The following HIVEP3 variants were observed in gnomAD, a reference collection of about 807,000 sequenced individuals.
HIVEP3 encodes HIVEP zinc finger 3, also known as transcription factor HIVEP3.
In HIVEP3, 49 loss-of-function variants were observed where a neutral mutation model predicts 152.8. The ratio of observed to expected loss-of-function variants is 0.32; its 90% confidence interval spans 0.26 to 0.41. The LOEUF (loss-of-function observed/expected upper bound fraction) is 0.41, where lower values mean the gene tolerates loss of function less well. Among genes scored for constraint, HIVEP3 ranks in the 10% least tolerant of loss-of-function variants. The pLI, the probability that HIVEP3 is intolerant of heterozygous loss-of-function variation, is 1.00. For missense variants in HIVEP3, 2,790 were observed against 3,103.3 expected (o/e 0.90, Z 2.40); for synonymous variants, 1,269 against 1,289.0 (o/e 0.98, Z 0.33).
At chr1:41,882,947 C>T (rs989776582) in intron 1 of HIVEP3, among the ~76,000 whole-genome samples, 6 of 152,200 alleles carry the variant, frequency 3.9e-5, no homozygotes, top group Admixed American at 6.5e-5. Context: ...CAGGGCTGAA[C>T]TGGCTTTCTG....
At chr1:41,632,546 A>G (rs889244991) in intron 2 of HIVEP3, among the ~76,000 whole-genome samples, 4 of 152,168 alleles carry the variant, frequency 2.6e-5, no homozygotes, top group Non-Finnish European at 4.4e-5. Flanking sequence ...TCACGGGTTC[A>G]AGAGATCGAG....
In HIVEP3 at chr1:41,513,085, C is replaced by T. The variant is rs748922029; in HGVS notation, c.6136G>A (p.Ala2046Thr). ...TTGGAGAGCACATGTGCTCGAGGGG[C>T]CAGTTCTCTTCCCAGGGGGCAGAGG... ...LTLCPLGREL[A>T]PRAHVLSKLE... Residue 2046 changes from alanine (A) to threonine (T), a missense_variant, in exon 8 of 9, where the codon GCC (alanine) becomes ACC (threonine). Physicochemically the swap from Ala to Thr is moderately conservative, Grantham distance 58. Transcript: ENST00000372583. 2.5e-6 allele frequency: 4 copies of T among 1,613,778 alleles called. No individual in the cohort carries two copies. The African/African-American group carries it at 4.0e-5, about 16-fold the overall frequency.
chr1:41,997,489 A>G (rs543842575), intron 1 of HIVEP3, among the ~76,000 whole-genome samples: 1 of 152,394 alleles, frequency 6.6e-6, no homozygotes, highest in East Asian at 1.9e-4. Context: ...ATCACATACA[A>G]AATTAATAAA....
chr1:41,948,095 C>A (rs1403757270), intron 1 of HIVEP3, among the ~76,000 whole-genome samples: 1 of 152,208 alleles, frequency 6.6e-6, no homozygotes, highest in East Asian at 1.9e-4. Context: ...ATTGAGGGGA[C>A]TTTTTAGAGG....
chr1:41,600,879 C>T (rs1213225599), intron 3 of HIVEP3, among the ~76,000 whole-genome samples: 2 of 152,098 alleles, frequency 1.3e-5, no homozygotes, highest in East Asian at 3.8e-4. Context: ...ACATCCAAGT[C>T]TTTAATCCAT....
intron 1 of HIVEP3, among the ~76,000 whole-genome samples, chr1:41,822,034 C>T (rs1028945155): frequency 6.6e-6 from 1 of 152,146 alleles, no homozygotes; most frequent in Non-Finnish European, 1.5e-5. Flanking sequence ...TTTATTGCTC[C>T]CAATTCTGTG....
intron 2 of HIVEP3, among the ~76,000 whole-genome samples, chr1:41,648,018 G>A (rs529629126): frequency 7.9e-5 from 12 of 152,226 alleles, no homozygotes; most frequent in Non-Finnish European, 1.6e-4. Flanking sequence ...TGCACCAGGA[G>A]CCCTATCTGG....
intron 3 of HIVEP3, among the ~76,000 whole-genome samples, chr1:41,593,119 C>G (rs900000426): frequency 6.6e-6 from 1 of 152,172 alleles, no homozygotes; most frequent in Admixed American, 6.5e-5. Flanking sequence ...TGCTGGGGAA[C>G]TTTCTCCTTC....
At chr1:41,599,686 T>C (rs570641621) in intron 3 of HIVEP3, among the ~76,000 whole-genome samples, 13 of 152,298 alleles carry the variant, frequency 8.5e-5, no homozygotes, top group African/African-American at 3.1e-4. Flanking sequence ...ACTTCTTAGA[T>C]GTGGCACCAA....
At chr1:42,016,276 G>A (rs1645522196) in intron 1 of HIVEP3, among the ~76,000 whole-genome samples, 1 of 151,954 alleles carries the variant, frequency 6.6e-6, no homozygotes, top group Admixed American at 6.6e-5. Context: ...CGAAATGCAG[G>A]GTGCATATGG....
rs535152442 is a variant in HIVEP3, at chr1:41,537,451, G to A, written c.5208-12541C>T. Among the ~76,000 whole-genome samples the A allele has an allele frequency of 2.6e-5, 4 of 152,292 alleles. No homozygotes were observed. The East Asian group carries it at 5.8e-4, about 22-fold the overall frequency. ...CCACTTTGGCGGGCAGCCTGTGTCC[G>A]TGAAGTGAGGCTCAGGGCCAGTTCC... On this transcript the variant is annotated intron_variant, in intron 5 of 8. Transcript: ENST00000372583.
At chr1:41,557,251 T>A (rs956614390) in intron 5 of HIVEP3, among the ~76,000 whole-genome samples, 5 of 152,218 alleles carry the variant, frequency 3.3e-5, no homozygotes, top group Non-Finnish European at 5.9e-5. Flanking sequence ...CCAAGACCAA[T>A]CCGCTCTGGT....
At chr1:41,701,451 AGTG>A (rs1646360597) in intron 1 of HIVEP3, among the ~76,000 whole-genome samples, 1 of 152,218 alleles carries the variant, frequency 6.6e-6, no homozygotes, top group African/African-American at 2.4e-5. Flanking sequence ...GAAGTCTCTG[AGTG>A]TGACAGCCTA....
At chr1:41,976,372 G>A (rs781385398) in intron 1 of HIVEP3, among the ~76,000 whole-genome samples, 3 of 152,142 alleles carry the variant, frequency 2.0e-5, no homozygotes, top group African/African-American at 2.4e-5. Flanking sequence ...AACACAACTC[G>A]GAACTCCCAA....
At chr1:41,660,634 A>G (rs1255885925) in intron 2 of HIVEP3, among the ~76,000 whole-genome samples, 2 of 152,252 alleles carry the variant, frequency 1.3e-5, no homozygotes, top group Admixed American at 6.5e-5. Flanking sequence ...ACTGTACAAC[A>G]CTACATCATC....
At chr1:41,528,106 CA>C (rs1335384842) in intron 5 of HIVEP3, among the ~76,000 whole-genome samples, 1 of 146,752 alleles carries the variant, frequency 6.8e-6, no homozygotes, top group East Asian at 2.1e-4. Flanking sequence ...ACTCACACCC[CA>C]CCCTCACACC....
At chr1:41,588,824 G>A (rs1644543682) in intron 3 of HIVEP3, among the ~76,000 whole-genome samples, 1 of 152,096 alleles carries the variant, frequency 6.6e-6, no homozygotes, top group Non-Finnish European at 1.5e-5. Context: ...AGCCACACTG[G>A]GGCTTGGACT....
intron 1 of HIVEP3, among the ~76,000 whole-genome samples, chr1:41,887,947 T>G (rs1644371883): frequency 6.6e-6 from 1 of 152,100 alleles, no homozygotes. Flanking sequence ...AATAGCCACA[T>G]GTGGCCAGTG....
chr1:41,626,495 G>A (rs1004825912), intron 3 of HIVEP3, among the ~76,000 whole-genome samples: 5 of 152,176 alleles, frequency 3.3e-5, no homozygotes, highest in African/African-American at 4.8e-5. Flanking sequence ...GTCTGGGCAC[G>A]AAGCGGGGGG....
Sources: gnomAD v4.1 joint callset for allele counts (sites outside exome capture counted in the v4.1 genomes callset) on GRCh38, gnomAD v4.1.1 for gene constraint, MANE v1.5 for transcripts, NCBI Gene and HGNC (gene_info 2026-07-23, HGNC 2026-07-21) for gene names.